DCAF1: variants seen among roughly 807,000 people sequenced by gnomAD.
DCAF1 encodes DDB1- and CUL4-associated factor 1.
A neutral mutation model predicts 128.0 loss-of-function variants in DCAF1; 15 were observed. The ratio of observed to expected loss-of-function variants is 0.12; its 90% confidence interval spans 0.08 to 0.18. The LOEUF is 0.18. Ranked by LOEUF, DCAF1 falls within the 10% of genes least tolerant of loss-of-function variation. DCAF1 has a pLI of 1.00. For synonymous variants in DCAF1, 610 were observed against 603.0 expected, an observed-to-expected ratio of 1.01 and a Z score of -0.17; for missense variants, 988 against 1,649.5, an observed-to-expected ratio of 0.60 and a Z score of 6.95.
Position 51,430,226 on chromosome 3 carries a change from C to A in DCAF1, c.1288-14G>T, listed in dbSNP as rs782045955. 4 of 769,334 alleles carry A rather than the reference C, an allele frequency of 5.2e-6. No individual in the cohort carries two copies. Among genetic ancestry groups the A allele is most frequent in the Non-Finnish European group, 2.4e-6 (1 of 410,722 alleles). The allele number at this position is 769,334 out of a possible 1,614,324, so 47.7% of individuals were successfully genotyped here. A position where few individuals can be genotyped will look rare whatever the true frequency, so the allele number is the denominator to read the frequency against. On this transcript the variant is annotated splice_polypyrimidine_tract_variant and intron_variant, in intron 10 of 24. Transcript: ENST00000684031. ...ATGCATGCAAACCTGCAAAAAAATA[C>A]AAATAAAACAATGCTTTTAAATTGT...
chr3:51,486,230 C>A (rs529570575), intron 2 of DCAF1, among the ~76,000 whole-genome samples: 2 of 149,438 alleles, frequency 1.3e-5, no homozygotes, highest in East Asian at 3.9e-4. Flanking sequence ...TCTCACTCTG[C>A]CTCCCAGGCT....
At chr3:51,500,116 G>GGAAA (rs1559596329), upstream of DCAF1, 2 of 27,836 alleles carry the variant, frequency 7.2e-5, no homozygotes, top group African/African-American at 3.1e-4. Context: ...CACGATCGGG[G>GGAAA]AAAAAAAAAA....
chr3:51,432,784 T>C (rs931903906), intron 10 of DCAF1, among the ~76,000 whole-genome samples: 2 of 152,272 alleles, frequency 1.3e-5, no homozygotes, highest in Admixed American at 1.3e-4. Context: ...AACTCATAAA[T>C]GTCATTGCAC....
intron 2 of DCAF1, among the ~76,000 whole-genome samples, chr3:51,485,812 C>G (rs1011066064): frequency 3.2e-4 from 48 of 152,026 alleles, no homozygotes; most frequent in African/African-American, 1.1e-3. Flanking sequence ...TTCATGTCAC[C>G]TGGATTACAC....
intron 23 of DCAF1, among the ~76,000 whole-genome samples, chr3:51,410,367 T>A (rs1289119613): frequency 6.6e-6 from 1 of 152,252 alleles, no homozygotes; most frequent in African/African-American, 2.4e-5. Context: ...GTTGAGTCTC[T>A]GTTCTAGCTT....
At chr3:51,485,161 C>T (rs374582181) in intron 2 of DCAF1, among the ~76,000 whole-genome samples, 49 of 152,144 alleles carry the variant, frequency 3.2e-4, no homozygotes, top group Non-Finnish European at 6.0e-4. Context: ...GTGATCCACC[C>T]GCCTCAGCCT....
At chr3:51,483,614 TG>T (rs1706537818) in intron 3 of DCAF1, 104 bp downstream of exon 3, 1 of 695,816 alleles carries the variant, frequency 1.4e-6, no homozygotes, top group African/African-American at 1.9e-5. Flanking sequence ...CTAGTTTGTG[TG>T]TGTGTGTGTG....
rs782206738 is a variant in DCAF1 at position 51,414,630 on chromosome 3, A to C, written c.3831T>G (p.Thr1277=). 22 of 1,613,874 alleles carry C rather than the reference A, an allele frequency of 1.4e-5. No homozygotes were observed. In the African/African-American group the frequency reaches 2.4e-4, roughly 18 times the overall value. The change falls in exon 19 of 25, where the codon ACT becomes ACG. Residue 1277 remains threonine (T), a synonymous_variant. Transcript: ENST00000684031. ...HPNGLEVIIN[T]EIWDLRTFHL... ...ACATGAGTATAAAGGATACAATCTCAGTATTAATGATCACCTCCAGTCCAT... is the reference window on the plus strand; with the variant it reads ...ACATGAGTATAAAGGATACAATCTCCGTATTAATGATCACCTCCAGTCCAT...
intron 5 of DCAF1, among the ~76,000 whole-genome samples, chr3:51,465,165 G>C (rs2108100066): frequency 6.6e-6 from 1 of 152,244 alleles, no homozygotes; most frequent in East Asian, 1.9e-4. Context: ...GAACAGAACT[G>C]GAGGGATTTG....
intron 10 of DCAF1, among the ~76,000 whole-genome samples, chr3:51,430,556 G>A (rs1700278284): frequency 6.6e-6 from 1 of 151,998 alleles, no homozygotes; most frequent in Admixed American, 6.6e-5. Flanking sequence ...CTCCAAATGT[G>A]ATAAAAGTGG....
chr3:51,471,067 A>C lies in DCAF1; in HGVS notation c.111-62T>G, dbSNP rs567105442. ...GCATAAAAAAATGGACCACCACTAC[A>C]ACAGTCAATTCAACGGTCAAGGTAG... On this transcript the variant is annotated intron_variant, in intron 3 of 24. Coordinates refer to ENST00000684031, the MANE Select transcript of DCAF1 (RefSeq NM_001387579.1). The C allele has an allele frequency of 3.8e-6, 4 of 1,045,948 alleles. No individual in the cohort carries two copies. The Admixed American group carries it at 8.1e-5, about 21-fold the overall frequency. The allele number at this position is 1,045,948 out of a possible 1,614,324, so 64.8% of individuals were successfully genotyped here. A position where few individuals can be genotyped will look rare whatever the true frequency, so the allele number is the denominator to read the frequency against.
At chr3:51,433,327 T>C in intron 9 of DCAF1, 63 bp from the exon 10 acceptor site, 1 of 398,170 alleles carries the variant, frequency 2.5e-6, no homozygotes, top group East Asian at 3.6e-5. Flanking sequence ...TCTCTTGACC[T>C]AATATTCAGT....
At chr3:51,442,972 T>A (rs1701503254) in intron 7 of DCAF1, among the ~76,000 whole-genome samples, 1 of 152,092 alleles carries the variant, frequency 6.6e-6, no homozygotes. Context: ...ATGCTGGGCC[T>A]AATACTTAGG....
intron 9 of DCAF1, among the ~76,000 whole-genome samples, chr3:51,439,196 T>C (rs1451947518): frequency 6.6e-6 from 1 of 152,068 alleles, no homozygotes; most frequent in Non-Finnish European, 1.5e-5. Flanking sequence ...CCTAGTGATC[T>C]TAGCTCACTG....
At chr3:51,437,476 G>C in intron 9 of DCAF1, 1 of 454,740 alleles carries the variant, frequency 2.2e-6, no homozygotes, top group Admixed American at 2.5e-5. Flanking sequence ...GTTCTCAACA[G>C]GTAACTACTG....
chr3:51,496,231 C>A (rs782796204), intron 2 of DCAF1, among the ~76,000 whole-genome samples: 20 of 152,206 alleles, frequency 1.3e-4, no homozygotes, highest in Admixed American at 7.2e-4. Flanking sequence ...TCGAGACCAC[C>A]TGGCCAACAT....
chr3:51,460,839 G>C (rs1196356516), intron 6 of DCAF1, among the ~76,000 whole-genome samples: 2 of 150,348 alleles, frequency 1.3e-5, no homozygotes, highest in Non-Finnish European at 3.0e-5. Flanking sequence ...AAATGGTGCT[G>C]GGAAAACTGG....
Position 51,414,774 on chromosome 3 carries a change from G to C in DCAF1, c.3687C>G (p.Thr1229=), listed in dbSNP as rs1553629725. The C allele has an allele frequency of 6.2e-7, 1 of 1,614,008 alleles. No homozygotes were observed. The highest frequency in any genetic ancestry group is 8.5e-7 in the Non-Finnish European group (1 of 1,179,892). The change falls in exon 19 of 25, where the codon ACC becomes ACG. Residue 1229 remains threonine, a synonymous_variant. Transcript: ENST00000684031. ...AGACAAGATCATCTGTAGGATTAAAGGTGGCACAGTTCCTCTTGTAGTTGT... is the reference window on the plus strand; with the variant it reads ...AGACAAGATCATCTGTAGGATTAAACGTGGCACAGTTCCTCTTGTAGTTGT... ...LANNYKRNCA[T]FNPTDDLVLN...
chr3:51,463,771 C>A (rs1404562426), intron 5 of DCAF1, among the ~76,000 whole-genome samples: 1 of 151,862 alleles, frequency 6.6e-6, no homozygotes, highest in East Asian at 1.9e-4. Context: ...ACGGTGAGAC[C>A]CTGTCTCCAA....
Sources: allele counts gnomAD v4.1 joint callset (sites outside exome capture counted in the v4.1 genomes callset), GRCh38; gene constraint gnomAD v4.1.1; transcripts MANE v1.5; gene names NCBI Gene and HGNC (gene_info 2026-07-23, HGNC 2026-07-21).